SLC35F3: variants seen among roughly 807,000 people sequenced by gnomAD.
The protein encoded by SLC35F3 is putative thiamine transporter SLC35F3.
SLC35F3 carries 25 observed loss-of-function variants against 49.9 expected under a neutral mutation model. The ratio of observed to expected loss-of-function variants is 0.50; its 90% CI spans 0.37 to 0.70. The LOEUF (loss-of-function observed/expected upper bound fraction) is 0.70, where lower values mean the gene tolerates loss of function less well. Among genes scored for constraint, SLC35F3 ranks in the 30% least tolerant of loss-of-function variants. The pLI, the probability that SLC35F3 is intolerant of heterozygous loss-of-function variation, is 0.00. For synonymous variants in SLC35F3, 275 were observed against 265.4 expected (o/e 1.04, Z -0.35); for missense variants, 525 against 639.8 (o/e 0.82, Z 1.94).
At chr1:234,282,584 T>TG (rs1187678280) in intron 3 of SLC35F3, among the ~76,000 whole-genome samples, 1 of 152,202 alleles carries the variant, frequency 6.6e-6, no homozygotes, top group Non-Finnish European at 1.5e-5. Flanking sequence ...CTCAACCAGC[T>TG]GGGGGAGAAT....
At chr1:233,907,582 A>T (rs1661797409) in intron 2 of SLC35F3, among the ~76,000 whole-genome samples, 1 of 152,250 alleles carries the variant, frequency 6.6e-6, no homozygotes, top group Non-Finnish European at 1.5e-5. Flanking sequence ...TCTTTATTCC[A>T]AGGTATTTCC....
At chr1:234,175,423 G>A (rs1238817876) in intron 2 of SLC35F3, among the ~76,000 whole-genome samples, 1 of 152,174 alleles carries the variant, frequency 6.6e-6, no homozygotes, top group African/African-American at 2.4e-5. Flanking sequence ...AAAGGAGGAG[G>A]TTATTTAGAA....
chr1:233,932,062 A>G (rs2102794035), intron 2 of SLC35F3, among the ~76,000 whole-genome samples: 1 of 152,190 alleles, frequency 6.6e-6, no homozygotes, highest in South Asian at 2.1e-4. Context: ...CAAACACCAC[A>G]TATTCTCACT....
In SLC35F3 at chr1:234,157,121, T is replaced by C. The variant is rs141514289; in HGVS notation, c.284-74296T>C. ...GTGGATGAATTGTATAGTATGTATC[T>C]TATATCTCAATAAAACTGTAATTTT... On this transcript the variant is annotated intron_variant, in intron 2 of 7. Transcript: ENST00000366618. Among the ~76,000 whole-genome samples the C allele has an allele frequency of 6.8e-4, 103 of 152,330 alleles. 1 individual carries two copies. The highest frequency in any genetic ancestry group is 2.9e-3 in the Admixed American group (44 of 15,296).
chr1:234,270,766 A>T (rs1668085246), intron 3 of SLC35F3, among the ~76,000 whole-genome samples: 1 of 152,222 alleles, frequency 6.6e-6, no homozygotes, highest in Non-Finnish European at 1.5e-5. Context: ...CTCTTGAAGG[A>T]TGTTCGTGTA....
At chr1:234,312,812 G>C (rs963908016) in intron 4 of SLC35F3, among the ~76,000 whole-genome samples, 5 of 152,138 alleles carry the variant, frequency 3.3e-5, no homozygotes, top group African/African-American at 9.7e-5. Context: ...GTTTGGCAGA[G>C]AACAGGCACC....
Position 234,125,628 on chromosome 1 carries a change from G to T in SLC35F3, c.284-105789G>T, listed in dbSNP as rs537883053. Among the ~76,000 whole-genome samples the T allele has an allele frequency of 6.6e-5, 10 of 152,230 alleles. 1 individual carries two copies. The South Asian group carries it at 2.1e-3, about 32-fold the overall frequency. On this transcript the variant is annotated intron_variant, in intron 2 of 7. Coordinates refer to ENST00000366618, the MANE Select transcript of SLC35F3 (RefSeq NM_173508.4). Reference sequence around the variant, plus strand: ...TGACCGGTCCGGGCTTGTGCTGACTGCCCTGTCCCTAACCCAGTCTCTGTT... The same window carrying T: ...TGACCGGTCCGGGCTTGTGCTGACTTCCCTGTCCCTAACCCAGTCTCTGTT...
intron 2 of SLC35F3, among the ~76,000 whole-genome samples, chr1:233,919,465 G>GT (rs1242947293): frequency 1.3e-5 from 2 of 152,152 alleles, no homozygotes; most frequent in South Asian, 2.1e-4. Context: ...AAGGAAATCT[G>GT]TTTTTTCAGA....
chr1:234,233,732 T>C (rs1667420143), intron 3 of SLC35F3, among the ~76,000 whole-genome samples: 1 of 152,260 alleles, frequency 6.6e-6, no homozygotes, highest in African/African-American at 2.4e-5. Flanking sequence ...ACTGCCCTGT[T>C]AACTGGCGAA....
intron 2 of SLC35F3, among the ~76,000 whole-genome samples, chr1:234,070,647 A>G (rs1292307244): frequency 1.3e-5 from 2 of 152,068 alleles, no homozygotes; most frequent in African/African-American, 2.4e-5. Flanking sequence ...TTCCATGTGT[A>G]TTATTGTTTT....
rs35486350 is a variant in SLC35F3 at position 234,250,653 on chromosome 1, CAAAAAAAA to C, written c.608+18924_608+18931del. On this transcript the variant is annotated intron_variant, in intron 3 of 7. Coordinates refer to ENST00000366618, the MANE Select transcript of SLC35F3 (RefSeq NM_173508.4). ...TGGGCGACAGAGCGAGACTCCGTCT[CAAAAAAAA>C]AAAAAAAAAAAGAAGTTCCTTTGAT... Among the ~76,000 whole-genome samples, 7 of 81,508 alleles carry C rather than the reference CAAAAAAAA, an allele frequency of 8.6e-5. No individual in the cohort carries two copies. The Admixed American group carries it at 9.6e-4, about 11-fold the overall frequency. The allele number at this position is 81,508 out of a possible 152,430, so 53.5% of individuals were successfully genotyped here. A position where few individuals can be genotyped will look rare whatever the true frequency, so the allele number is the denominator to read the frequency against.
chr1:234,156,023 A>G (rs1666146470), intron 2 of SLC35F3, among the ~76,000 whole-genome samples: 1 of 152,136 alleles, frequency 6.6e-6, no homozygotes, highest in Admixed American at 6.6e-5. Context: ...AAGGTAAACA[A>G]CAAATTGGAA....
intron 2 of SLC35F3, among the ~76,000 whole-genome samples, chr1:234,037,956 T>G (rs1664168408): frequency 6.6e-6 from 1 of 152,148 alleles, no homozygotes; most frequent in African/African-American, 2.4e-5. Flanking sequence ...TTGTTTTCTT[T>G]TCTTTTCTTT....
intron 2 of SLC35F3, among the ~76,000 whole-genome samples, chr1:234,095,616 A>T (rs1259367135): frequency 6.6e-6 from 1 of 152,322 alleles, no homozygotes; most frequent in East Asian, 1.9e-4. Flanking sequence ...TATTTATATG[A>T]CATGATTTAA....
intron 3 of SLC35F3, among the ~76,000 whole-genome samples, chr1:234,300,004 T>C (rs926535827): frequency 1.3e-5 from 2 of 150,636 alleles, no homozygotes; most frequent in African/African-American, 4.9e-5. Flanking sequence ...AAAAATACAA[T>C]GAAGTTCACA....
At chr1:234,201,338 GT>G (rs1268804815) in intron 2 of SLC35F3, among the ~76,000 whole-genome samples, 4 of 152,218 alleles carry the variant, frequency 2.6e-5, no homozygotes, top group Non-Finnish European at 5.9e-5. Context: ...ATGCTAACAA[GT>G]TAAGCTGACA....
intron 2 of SLC35F3, among the ~76,000 whole-genome samples, chr1:233,967,943 T>C (rs753345707): frequency 2.0e-5 from 3 of 152,220 alleles, no homozygotes; most frequent in East Asian, 1.9e-4. Context: ...TTTAGGAACA[T>C]GCGGTGAATT....
At chr1:234,292,105 C>A (rs1380091068) in intron 3 of SLC35F3, among the ~76,000 whole-genome samples, 1 of 152,234 alleles carries the variant, frequency 6.6e-6, no homozygotes, top group Non-Finnish European at 1.5e-5. Flanking sequence ...ATTTGTAAGG[C>A]TTTGATGCAT....
At chr1:233,941,203 A>G (rs980112484) in intron 2 of SLC35F3, among the ~76,000 whole-genome samples, 1 of 152,104 alleles carries the variant, frequency 6.6e-6, no homozygotes, top group African/African-American at 2.4e-5. Flanking sequence ...TGGTATTTCC[A>G]CTTCTCAGTC....
Sources: allele counts gnomAD v4.1 joint callset (sites outside exome capture counted in the v4.1 genomes callset), GRCh38; gene constraint gnomAD v4.1.1; transcripts MANE v1.5; gene names NCBI Gene and HGNC (gene_info 2026-07-23, HGNC 2026-07-21).